The following SFXN4 variants were observed in gnomAD, a reference collection of about 807,000 sequenced individuals.
The protein encoded by SFXN4 is sideroflexin 4, also known as sideroflexin-4.
In SFXN4, 48 loss-of-function variants were observed where a neutral mutation model predicts 54.6. That is an observed-to-expected ratio of 0.88 (90% CI 0.70 to 1.12). The LOEUF (loss-of-function observed/expected upper bound fraction) is 1.12, where lower values mean the gene tolerates loss of function less well. Ranked by LOEUF, SFXN4 falls within the 50% of genes most tolerant of loss-of-function variation. The pLI is 0.00. For synonymous variants in SFXN4, 130 were observed against 145.5 expected (o/e 0.89, Z 0.77); for missense variants, 383 against 409.2 (o/e 0.94, Z 0.55).
Position 119,150,209 on chromosome 10 carries a change from A to G in SFXN4, c.733-2349T>C, listed in dbSNP as rs550613610. Among the ~76,000 whole-genome samples, 144 of 152,170 alleles carry G rather than the reference A, an allele frequency of 9.5e-4. 2 individuals carry two copies. Among genetic ancestry groups the G allele is most frequent in the Non-Finnish European group, 1.5e-3 (101 of 67,992 alleles). The stretch of plus-strand genomic sequence containing the variant: ...TTGACCCTAACATGCCCCTCATGCC[A>G]AAAATGAAGTTTCTTCTGGTGAGAT... On this transcript the variant is annotated intron_variant, in intron 11 of 13. Transcript: ENST00000355697.
chr10:119,155,230 A>G, intron 10 of SFXN4, 53 bp from the exon 11 acceptor site: 1 of 1,254,116 alleles, frequency 8.0e-7, no homozygotes, highest in Non-Finnish European at 1.2e-6. Context: ...GTCTTGTTCC[A>G]GCAAAGGAAC....
At chr10:119,142,353 G>C (rs1846565691) in intron 13 of SFXN4, among the ~76,000 whole-genome samples, 1 of 151,884 alleles carries the variant, frequency 6.6e-6, no homozygotes, top group Non-Finnish European at 1.5e-5. Flanking sequence ...GTATTTTAAG[G>C]CAATTCTCAT....
chr10:119,163,896 C>T (rs1046636735), intron 2 of SFXN4, among the ~76,000 whole-genome samples: 12 of 151,754 alleles, frequency 7.9e-5, no homozygotes, highest in African/African-American at 1.2e-4. Flanking sequence ...CAAAATTAGC[C>T]GGGCATGGTG....
At position 119,156,700 on chromosome 10, in the gene SFXN4, T is replaced by C. The variant is rs768319259; in HGVS notation, c.594A>G (p.Arg198=). The change falls in exon 10 of 14, where the codon AGA becomes AGG. Residue 198 remains arginine (R), a synonymous_variant. Coordinates refer to ENST00000355697, the MANE Select transcript of SFXN4 (RefSeq NM_213649.2). Reference sequence around the variant, plus strand: ...CACCGAGGAAGATCACAGGTAAGAGTCTTTTAATCCAAGGGCCAGTCAGGC... The same window carrying C: ...CACCGAGGAAGATCACAGGTAAGAGCCTTTTAATCCAAGGGCCAGTCAGGC... ...KYGLTGPWIK[R]LLPVIFLVQA... 5.6e-6 allele frequency: 9 copies of C among 1,610,374 alleles called. No homozygotes were observed. In the African/African-American group the frequency reaches 1.2e-4, roughly 22 times the overall value.
chr10:119,162,469 C>T, intron 2 of SFXN4, 55 bp from the exon 3 acceptor site: 2 of 1,469,028 alleles, frequency 1.4e-6, no homozygotes. Context: ...TCAGGTTTAT[C>T]CCCAGAGGTA....
chr10:119,157,965 A>T, intron 7 of SFXN4, 38 bp from the exon 8 acceptor site: 1 of 1,614,168 alleles, frequency 6.2e-7, no homozygotes, highest in Non-Finnish European at 8.5e-7. Flanking sequence ...TTTCGTTTCA[A>T]GCATAACAGA....
intron 11 of SFXN4, among the ~76,000 whole-genome samples, chr10:119,149,859 G>A (rs1316940180): frequency 6.6e-6 from 1 of 152,216 alleles, no homozygotes; most frequent in East Asian, 1.9e-4. Context: ...TCAGTGGGGC[G>A]AGGCCCGCCT....
At chr10:119,144,876 T>C (rs1373423605) in intron 13 of SFXN4, among the ~76,000 whole-genome samples, 1 of 152,166 alleles carries the variant, frequency 6.6e-6, no homozygotes, top group East Asian at 1.9e-4. Flanking sequence ...GCTACCATAA[T>C]TGGACAGCAC....
At chr10:119,162,259 G>T in intron 3 of SFXN4, 81 bp downstream of exon 3, 1 of 1,119,804 alleles carries the variant, frequency 8.9e-7, no homozygotes, top group Non-Finnish European at 1.3e-6. Context: ...AGAGATTAAT[G>T]GCCAAATTCC....
intron 9 of SFXN4, 50 bp from the exon 10 acceptor site, chr10:119,156,806 C>T (rs1281150332): frequency 2.9e-6 from 4 of 1,398,990 alleles, no homozygotes; most frequent in East Asian, 2.4e-5. Flanking sequence ...GAAAAATCAG[C>T]GGAACCTACT....
chr10:119,158,185 G>A (rs1472443137), intron 6 of SFXN4, 123 bp from the exon 7 acceptor site: 1 of 894,842 alleles, frequency 1.1e-6, no homozygotes, highest in Middle Eastern at 2.1e-4. Context: ...AGGAGAGGAT[G>A]GTGGTGGGTA....
intron 12 of SFXN4, among the ~76,000 whole-genome samples, chr10:119,147,149 G>A (rs572744673): frequency 2.0e-5 from 3 of 152,200 alleles, no homozygotes; most frequent in South Asian, 2.1e-4. Flanking sequence ...AGAAGGACTC[G>A]ACACCCACGA....
chr10:119,154,641 G>C (rs540489525), intron 11 of SFXN4, among the ~76,000 whole-genome samples: 56 of 152,218 alleles, frequency 3.7e-4, no homozygotes, highest in Non-Finnish European at 6.3e-4. Context: ...AGACCAGCCT[G>C]GCCAACATGG....
At chr10:119,143,380 TTTC>T (rs1396868660) in intron 13 of SFXN4, among the ~76,000 whole-genome samples, 3 of 151,902 alleles carry the variant, frequency 2.0e-5, no homozygotes, top group African/African-American at 7.3e-5. Context: ...ATTTTTTTTT[TTTC>T]GAGACAGGGT....
At chr10:119,156,035 C>G (rs1847266413) in intron 10 of SFXN4, among the ~76,000 whole-genome samples, 1 of 152,188 alleles carries the variant, frequency 6.6e-6, no homozygotes, top group African/African-American at 2.4e-5. Context: ...GTGCCTCAGT[C>G]TCCTCCTCTG....
intron 5 of SFXN4, 100 bp from the exon 6 acceptor site, chr10:119,159,853 C>A: frequency 8.1e-7 from 1 of 1,241,160 alleles, no homozygotes; most frequent in Non-Finnish European, 1.2e-6. Context: ...CCCCAGCTTC[C>A]AGAAGGCACA....
At chr10:119,159,998 G>A (rs1467757143) in intron 5 of SFXN4, among the ~76,000 whole-genome samples, 1 of 152,052 alleles carries the variant, frequency 6.6e-6, no homozygotes, top group Admixed American at 6.6e-5. Flanking sequence ...ATTTTGTAGA[G>A]GTAGCGAGAC....
chr10:119,149,327 C>T (rs1846953435), intron 11 of SFXN4, among the ~76,000 whole-genome samples: 2 of 152,202 alleles, frequency 1.3e-5, no homozygotes, highest in African/African-American at 4.8e-5. Context: ...CCTCCTACCA[C>T]CCGGCCCCTG....
chr10:119,144,504 C>T (rs916677602), intron 13 of SFXN4, among the ~76,000 whole-genome samples: 2 of 151,728 alleles, frequency 1.3e-5, no homozygotes, highest in African/African-American at 4.8e-5. Context: ...ATGTCTTTGA[C>T]ATCTGCTAGC....
Sources: allele counts gnomAD v4.1 joint callset (sites outside exome capture counted in the v4.1 genomes callset), GRCh38; gene constraint gnomAD v4.1.1; transcripts MANE v1.5; gene names NCBI Gene and HGNC (gene_info 2026-07-23, HGNC 2026-07-21).